ZFHX3: variants seen among roughly 807,000 people sequenced by gnomAD.
ZFHX3 encodes zinc finger homeobox protein 3.
In ZFHX3, 42 loss-of-function variants were observed where a neutral mutation model predicts 279.1. The observed-to-expected ratio is 0.15, with a 90% confidence interval of 0.12 to 0.19. The LOEUF is 0.19. Ranked by LOEUF, ZFHX3 falls within the 10% of genes least tolerant of loss-of-function variation. The probability of loss-of-function intolerance (pLI) is 1.00; values close to 1 mark genes in which losing one functional copy is unlikely to be tolerated. For synonymous variants in ZFHX3, 2,293 were observed against 1,957.8 expected, an observed-to-expected ratio of 1.17 and a Z score of -4.52; for missense variants, 4,981 against 4,754.0, an observed-to-expected ratio of 1.05 and a Z score of -1.40.
intron 5 of ZFHX3, among the ~76,000 whole-genome samples, chr16:73,225,335 G>A (rs547653854): frequency 6.6e-6 from 1 of 152,132 alleles, no homozygotes; most frequent in East Asian, 1.9e-4. Flanking sequence ...AGATTTGAGG[G>A]CCTGGTGTGG....
chr16:73,296,681 G>A (rs766587363), intron 4 of ZFHX3, among the ~76,000 whole-genome samples: 1 of 152,034 alleles, frequency 6.6e-6, no homozygotes, highest in Admixed American at 6.5e-5. Context: ...AGGCAGTTAC[G>A]TATTTGATCA....
At chr16:72,925,196 C>T (rs1242204377) in intron 3 of ZFHX3, among the ~76,000 whole-genome samples, 1 of 152,160 alleles carries the variant, frequency 6.6e-6, no homozygotes, top group Admixed American at 6.5e-5. Flanking sequence ...GCTGTGCTAT[C>T]GAAATCGGTC....
chr16:73,164,419 G>A (rs1488305318), intron 5 of ZFHX3, among the ~76,000 whole-genome samples: 2 of 152,178 alleles, frequency 1.3e-5, no homozygotes, highest in African/African-American at 4.8e-5. Context: ...GAAATGTGGG[G>A]CCGGGCATGG....
chr16:72,998,996 T>C (rs940858872), intron 1 of ZFHX3, among the ~76,000 whole-genome samples: 1 of 152,216 alleles, frequency 6.6e-6, no homozygotes, highest in East Asian at 1.9e-4. Context: ...TGGTTAACTC[T>C]GTAGTAGCCA....
Position 73,863,604 on chromosome 16 carries a change from T to G in ZFHX3, c.-1608+28047A>C, listed in dbSNP as rs561288656. On this transcript the variant is annotated intron_variant, in intron 1 of 17. Coordinates refer to the ZFHX3 transcript ENST00000641206. The stretch of plus-strand genomic sequence containing the variant: ...TGCTTAAGTTCTGCTGATCATCTTC[T>G]GCATTCTCAAGTTATTTTACATGGC... Among the ~76,000 whole-genome samples, 5 of 152,344 alleles carry G rather than the reference T, an allele frequency of 3.3e-5. No homozygotes were observed. In the East Asian group the frequency reaches 9.6e-4, roughly 29 times the overall value.
chr16:73,199,021 C>T (rs143409123), intron 5 of ZFHX3, among the ~76,000 whole-genome samples: 5 of 152,268 alleles, frequency 3.3e-5, no homozygotes, highest in Admixed American at 3.3e-4. Context: ...GTGAACGTCC[C>T]GTTCAAAACA....
chr16:72,967,752 T>C (rs1336447345), intron 1 of ZFHX3, among the ~76,000 whole-genome samples: 2 of 108,640 alleles, frequency 1.8e-5, no homozygotes, highest in Non-Finnish European at 3.8e-5. Context: ...CCGTCTCTAC[T>C]AAAAATACAA....
At chr16:73,576,435 G>A (rs955675257) in intron 2 of ZFHX3, among the ~76,000 whole-genome samples, 3 of 152,144 alleles carry the variant, frequency 2.0e-5, no homozygotes, top group Non-Finnish European at 4.4e-5. Context: ...TCTGAGTGAT[G>A]GTCAAGAATA....
chr16:73,551,559 TGA>T (rs1447607482), intron 2 of ZFHX3, among the ~76,000 whole-genome samples: 2 of 152,216 alleles, frequency 1.3e-5, no homozygotes, highest in East Asian at 3.8e-4. Flanking sequence ...TATCCAAACC[TGA>T]GAGACTTTTC....
At position 73,708,764 on chromosome 16, in the gene ZFHX3, T is replaced by A; in HGVS notation, c.-1607-28524A>T. Among the ~76,000 whole-genome samples the A allele has an allele frequency of 2.0e-5, 3 of 152,062 alleles. 1 individual carries two copies. Among genetic ancestry groups the A allele is most frequent in the Non-Finnish European group, 4.4e-5 (3 of 68,002 alleles). On this transcript the variant is annotated intron_variant, in intron 1 of 17. Transcript: ENST00000641206. ...GTGAATACCCCTAAACACAGTGAGA[T>A]CTAGAAGCTTATTTATCCTCTTTGT...
chr16:73,431,925 C>T (rs150391269), intron 3 of ZFHX3, among the ~76,000 whole-genome samples: 4 of 152,200 alleles, frequency 2.6e-5, no homozygotes, highest in African/African-American at 7.2e-5. Context: ...GTTTCATCCC[C>T]GAGATTCTCC....
intron 1 of ZFHX3, among the ~76,000 whole-genome samples, chr16:73,787,293 C>A (rs1031194593): frequency 1.3e-5 from 2 of 152,118 alleles, no homozygotes; most frequent in Non-Finnish European, 2.9e-5. Context: ...GAAAAGCAAC[C>A]AGACAGTGTA....
At chr16:73,095,543 A>G (rs920401871) in intron 7 of ZFHX3, among the ~76,000 whole-genome samples, 18 of 152,232 alleles carry the variant, frequency 1.2e-4, no homozygotes, top group Admixed American at 1.0e-3. Context: ...CAGTAAAATG[A>G]GTATTATTGT....
intron 1 of ZFHX3, among the ~76,000 whole-genome samples, chr16:73,690,353 C>T (rs2053136419): frequency 6.6e-6 from 1 of 152,170 alleles, no homozygotes; most frequent in Non-Finnish European, 1.5e-5. Flanking sequence ...GGTATGGTCC[C>T]CTAGGAATCT....
rs757594206 is a variant in ZFHX3 at position 72,950,975 on chromosome 16, A to C, written c.2720-10T>G. The C allele has an allele frequency of 6.2e-7, 1 of 1,603,698 alleles. No individual in the cohort carries two copies. Among genetic ancestry groups the C allele is most frequent in the South Asian group, 1.1e-5 (1 of 90,268 alleles). On this transcript the variant is annotated splice_polypyrimidine_tract_variant and intron_variant, in intron 2 of 9. Transcript: ENST00000268489. ...GGGATCTCACCGCCCACTGCAGGGAAGGAGAGAAGGAGAGAGTCAGACACC... is the reference window on the plus strand; with the variant it reads ...GGGATCTCACCGCCCACTGCAGGGACGGAGAGAAGGAGAGAGTCAGACACC...
intron 5 of ZFHX3, among the ~76,000 whole-genome samples, chr16:73,197,053 C>T (rs1968165615): frequency 6.6e-6 from 1 of 152,130 alleles, no homozygotes; most frequent in African/African-American, 2.4e-5. Context: ...GGAGTTATTG[C>T]CCACCATAAT....
intron 2 of ZFHX3, among the ~76,000 whole-genome samples, chr16:73,580,244 C>G (rs1323236626): frequency 6.6e-6 from 1 of 151,842 alleles, no homozygotes; most frequent in Non-Finnish European, 1.5e-5. Context: ...CTCTGGGAGG[C>G]CAAGGCGGGC....
chr16:73,464,584 A>T (rs921950032), intron 2 of ZFHX3, among the ~76,000 whole-genome samples: 7 of 139,288 alleles, frequency 5.0e-5, no homozygotes, highest in Non-Finnish European at 1.1e-4. Context: ...GTTCATAAAG[A>T]ATAAAATAAG....
In ZFHX3 at chr16:73,048,087, T is replaced by TCCTCCTCTGCCGCCGCCC. The variant is rs1555545327; in HGVS notation, c.-403_-386dup. ...CCCCGGCCTGCCCGCCGCCGCCGCCTCCTCCTCTGCCGCCGCCCGCCCGGA... is the reference window on the plus strand; with the variant it reads ...CCCCGGCCTGCCCGCCGCCGCCGCCTCCTCCTCTGCCGCCGCCCCCTCCTCTGCCGCCGCCCGCCCGGA... On this transcript the variant is annotated 5_prime_UTR_variant, in exon 1 of 10. Coordinates refer to ENST00000268489, the MANE Select transcript of ZFHX3 (RefSeq NM_006885.4). 1.3e-5 allele frequency: 2 copies of TCCTCCTCTGCCGCCGCCC among 152,018 alleles called. No individual in the cohort carries two copies. The highest frequency in any genetic ancestry group is 2.4e-5 in the African/African-American group (1 of 41,144). 9.4% of individuals were successfully genotyped at this position (152,018 alleles called of 1,614,324 possible).
Sources: gnomAD v4.1 joint callset for allele counts (sites outside exome capture counted in the v4.1 genomes callset) on GRCh38, gnomAD v4.1.1 for gene constraint, MANE v1.5 for transcripts, NCBI Gene and HGNC (gene_info 2026-07-23, HGNC 2026-07-21) for gene names.